Variants in TP53BP2 observed in about 807,000 individuals in gnomAD.
TP53BP2 encodes the protein apoptosis-stimulating of p53 protein 2.
A neutral mutation model predicts 126.2 loss-of-function variants in TP53BP2; 62 were observed. The observed-to-expected ratio is 0.49, with a 90% CI of 0.40 to 0.61. The LOEUF (loss-of-function observed/expected upper bound fraction) is 0.61, where lower values mean the gene tolerates loss of function less well. Among genes scored for constraint, TP53BP2 ranks in the 20% least tolerant of loss-of-function variants. The pLI, the probability that TP53BP2 is intolerant of heterozygous loss-of-function variation, is 0.00. For synonymous variants in TP53BP2, 485 were observed against 502.9 expected, an observed-to-expected ratio of 0.96 and a Z score of 0.48; for missense variants, 1,215 against 1,402.8, an observed-to-expected ratio of 0.87 and a Z score of 2.14.
intron 15 of TP53BP2, among the ~76,000 whole-genome samples, chr1:223,791,936 A>G (rs1662169250): frequency 6.6e-6 from 1 of 152,144 alleles, no homozygotes. Context: ...CGTTTTACGT[A>G]CACCCTGGTT....
At chr1:223,822,097 A>G (rs1663333494) in intron 1 of TP53BP2, among the ~76,000 whole-genome samples, 1 of 152,084 alleles carries the variant, frequency 6.6e-6, no homozygotes, top group Non-Finnish European at 1.5e-5. Context: ...TATTTTTAGT[A>G]GAGACGGGGT....
chr1:223,800,894 T>A, intron 9 of TP53BP2, 84 bp from the exon 10 acceptor site: 1 of 914,180 alleles, frequency 1.1e-6, no homozygotes, highest in Non-Finnish European at 1.7e-6. Context: ...TTTTAATCTC[T>A]AAAAACAGCT....
At chr1:223,844,942 TC>T in intron 1 of TP53BP2, among the ~76,000 whole-genome samples, 1 of 152,154 alleles carries the variant, frequency 6.6e-6, no homozygotes, top group Non-Finnish European at 1.5e-5. Context: ...AAACCTCCAT[TC>T]CGCGATCGCT....
chr1:223,819,385 A>G (rs1047047127), intron 2 of TP53BP2, among the ~76,000 whole-genome samples: 22 of 151,874 alleles, frequency 1.4e-4, no homozygotes, highest in Admixed American at 8.5e-4. Context: ...AATCTGAGGT[A>G]AAGAGTAAGA....
chr1:223,789,928 A>C (rs574938350), intron 15 of TP53BP2, among the ~76,000 whole-genome samples: 1 of 152,280 alleles, frequency 6.6e-6, no homozygotes, highest in South Asian at 2.1e-4. Context: ...TCTAAAGTAC[A>C]TAAGATTTAG....
intron 3 of TP53BP2, among the ~76,000 whole-genome samples, chr1:223,812,717 G>A (rs1662953558): frequency 6.6e-6 from 1 of 152,012 alleles, no homozygotes; most frequent in Non-Finnish European, 1.5e-5. Flanking sequence ...ATGCCACCAT[G>A]CCCAGCTAAT....
intron 1 of TP53BP2, among the ~76,000 whole-genome samples, chr1:223,831,520 G>A (rs1255897368): frequency 3.2e-5 from 3 of 93,802 alleles, no homozygotes; most frequent in African/African-American, 8.0e-5. Flanking sequence ...TATATATACT[G>A]ACCTGTATGA....
intron 4 of TP53BP2, 24 bp downstream of exon 4, chr1:223,810,407 G>C (rs1169095210): frequency 6.4e-7 from 1 of 1,561,322 alleles, no homozygotes; most frequent in South Asian, 1.2e-5. Flanking sequence ...GGTATATACA[G>C]TATGGATAAA....
intron 8 of TP53BP2, 75 bp from the exon 9 acceptor site, chr1:223,802,419 ATTTTC>A: frequency 7.1e-7 from 1 of 1,407,604 alleles, no homozygotes; most frequent in Non-Finnish European, 9.7e-7. Context: ...AAGATGTGAC[ATTTTC>A]TTACTTTTTA....
At chr1:223,816,020 CAT>C (rs1663075990) in intron 2 of TP53BP2, among the ~76,000 whole-genome samples, 1 of 152,240 alleles carries the variant, frequency 6.6e-6, no homozygotes, top group Non-Finnish European at 1.5e-5. Context: ...ATTATTGACA[CAT>C]GACTGTATCT....
intron 1 of TP53BP2, among the ~76,000 whole-genome samples, chr1:223,840,270 G>A (rs1175469393): frequency 6.6e-6 from 1 of 152,204 alleles, no homozygotes; most frequent in Non-Finnish European, 1.5e-5. Context: ...GAATTTTAAT[G>A]TCTCACCTAC....
At chr1:223,788,188 A>G (rs887366521) in intron 16 of TP53BP2, among the ~76,000 whole-genome samples, 3 of 152,200 alleles carry the variant, frequency 2.0e-5, no homozygotes, top group Admixed American at 6.5e-5. Flanking sequence ...AGGGCCTGAA[A>G]AAAGGCCTAG....
intron 2 of TP53BP2, among the ~76,000 whole-genome samples, chr1:223,819,694 A>G (rs969441883): frequency 6.6e-6 from 1 of 151,668 alleles, no homozygotes; most frequent in Non-Finnish European, 1.5e-5. Flanking sequence ...TCAAAAAAAG[A>G]AAAAAGAAAA....
intron 16 of TP53BP2, among the ~76,000 whole-genome samples, chr1:223,785,512 C>T (rs1014144505): frequency 3.9e-5 from 6 of 152,284 alleles, no homozygotes; most frequent in South Asian, 2.1e-4. Flanking sequence ...TGAAGAAAGA[C>T]GTAGGAGATT....
At chr1:223,836,887 C>G (rs768746046) in intron 1 of TP53BP2, among the ~76,000 whole-genome samples, 3 of 151,928 alleles carry the variant, frequency 2.0e-5, no homozygotes, top group Non-Finnish European at 4.4e-5. Context: ...GCAAAACCTA[C>G]CAGAGAAAGA....
intron 1 of TP53BP2, among the ~76,000 whole-genome samples, chr1:223,826,620 C>T (rs1424256336): frequency 6.6e-6 from 1 of 152,152 alleles, no homozygotes; most frequent in African/African-American, 2.4e-5. Flanking sequence ...GTGATAGTTA[C>T]ACAACATTGT....
chr1:223,786,525 T>A (rs1661959059), intron 16 of TP53BP2, among the ~76,000 whole-genome samples: 1 of 151,382 alleles, frequency 6.6e-6, no homozygotes, highest in African/African-American at 2.4e-5. Flanking sequence ...TCAATAAAAT[T>A]AATACAGCAA....
At chr1:223,811,781 G>A (rs1346531708) in intron 3 of TP53BP2, among the ~76,000 whole-genome samples, 6 of 152,170 alleles carry the variant, frequency 3.9e-5, no homozygotes, top group African/African-American at 1.4e-4. Context: ...TAATAAAGGA[G>A]ACTGAAAAAC....
rs538314057 is a variant in TP53BP2 at position 223,845,550 on chromosome 1, G to T, written c.27+104C>A. 10 of 1,258,200 alleles carry T rather than the reference G, an allele frequency of 7.9e-6. No individual in the cohort carries two copies. The South Asian group carries it at 1.4e-4, about 17-fold the overall frequency. 77.9% of individuals were successfully genotyped at this position (1,258,200 alleles called of 1,614,324 possible). A position where few individuals can be genotyped will look rare whatever the true frequency, so the allele number is the denominator to read the frequency against. ...GCCCCGGCCCCTCCGCGCGGGCTGCGGCCCCCAGGCTCCTTCCCCGACGCG... is the reference window on the plus strand; with the variant it reads ...GCCCCGGCCCCTCCGCGCGGGCTGCTGCCCCCAGGCTCCTTCCCCGACGCG... On this transcript the variant is annotated intron_variant, in intron 1 of 17. Coordinates refer to ENST00000343537, the MANE Select transcript of TP53BP2 (RefSeq NM_001031685.3).
Sources: allele counts gnomAD v4.1 joint callset (sites outside exome capture counted in the v4.1 genomes callset), GRCh38; gene constraint gnomAD v4.1.1; transcripts MANE v1.5; gene names NCBI Gene and HGNC (gene_info 2026-07-23, HGNC 2026-07-21).